Variants in TRPM3 observed in about 807,000 individuals in gnomAD.
TRPM3 encodes long transient receptor potential channel 3.
Under a neutral mutation model 181.2 loss-of-function variants are expected in TRPM3, and 77 were observed. The observed-to-expected ratio is 0.42, with a 90% CI of 0.35 to 0.51. TRPM3 has a LOEUF of 0.51. TRPM3 is among the 20% of genes least tolerant of loss of function. The pLI is 0.01. For missense variants in TRPM3, 1,759 were observed against 2,196.7 expected, an observed-to-expected ratio of 0.80 and a Z score of 3.98; for synonymous variants, 745 against 796.4, an observed-to-expected ratio of 0.94 and a Z score of 1.09.
intron 1 of TRPM3, among the ~76,000 whole-genome samples, chr9:70,905,313 G>C (rs1036724641): frequency 6.6e-6 from 1 of 152,178 alleles, no homozygotes; most frequent in Non-Finnish European, 1.5e-5. Context: ...CACAAGTGCT[G>C]CAGTAAAGAA....
chr9:71,348,643 CACT>C (rs2091432620), intron 1 of TRPM3, among the ~76,000 whole-genome samples: 1 of 151,886 alleles, frequency 6.6e-6, no homozygotes, highest in African/African-American at 2.4e-5. Flanking sequence ...AATCTCCGCT[CACT>C]GCAGCCTCAG....
At chr9:71,261,654 T>C (rs1253851941) in intron 1 of TRPM3, among the ~76,000 whole-genome samples, 1 of 152,240 alleles carries the variant, frequency 6.6e-6, no homozygotes, top group Non-Finnish European at 1.5e-5. Context: ...CTATCTTTGG[T>C]CTTTGCTGTT....
intron 1 of TRPM3, among the ~76,000 whole-genome samples, chr9:71,437,706 A>G (rs1332162990): frequency 6.6e-6 from 1 of 151,844 alleles, no homozygotes; most frequent in Non-Finnish European, 1.5e-5. Flanking sequence ...TGTCTCTACT[A>G]AAAATACAAA....
chr9:70,961,799 T>A (rs2097139119), intron 1 of TRPM3, among the ~76,000 whole-genome samples: 1 of 152,178 alleles, frequency 6.6e-6, no homozygotes. Flanking sequence ...AATTGGTATT[T>A]ATAAGTTTGG....
chr9:71,233,640 T>C (rs532949832), intron 1 of TRPM3, among the ~76,000 whole-genome samples: 206 of 152,340 alleles, frequency 1.4e-3, no homozygotes, highest in African/African-American at 4.6e-3. Context: ...TGCAATCTTC[T>C]ACATTAAATG....
chr9:70,640,611 G>C lies in TRPM3; in HGVS notation c.1395C>G (p.Asn465Lys). 6.2e-7 allele frequency: 1 copy of C among 1,613,808 alleles called. No homozygotes were observed. The highest frequency in any genetic ancestry group is 8.5e-7 in the Non-Finnish European group (1 of 1,179,840). The change falls in exon 10 of 26, where the codon AAC becomes AAG. Residue 465 changes from asparagine (N) to lysine (K), a missense_variant. Transcript: ENST00000677713. Reference protein sequence around the residue: ...PDQLSLALAWNRVDIARSQIF... With the variant: ...PDQLSLALAWKRVDIARSQIF... ...TCTGGCTGCGAGCGATGTCGACTCT[G>C]TTCCAGGCTAAAGCTAAGCTCAGTT...
At chr9:70,759,186 A>G (rs1362026890) in intron 8 of TRPM3, among the ~76,000 whole-genome samples, 1 of 152,150 alleles carries the variant, frequency 6.6e-6, no homozygotes, top group Non-Finnish European at 1.5e-5. Flanking sequence ...TGAACAGACA[A>G]TCCTCAAAAG....
intron 1 of TRPM3, among the ~76,000 whole-genome samples, chr9:71,334,006 A>AGAGAT (rs1168070835): frequency 6.6e-6 from 1 of 151,896 alleles, no homozygotes. Context: ...GGGAAATGCC[A>AGAGAT]GAGATGATGA....
intron 1 of TRPM3, among the ~76,000 whole-genome samples, chr9:71,059,011 ATTTTT>A (rs1162577364): frequency 1.1e-4 from 6 of 52,638 alleles, no homozygotes; most frequent in East Asian, 7.1e-4. Context: ...TTGTTTGTTC[ATTTTT>A]TTTTTTTTTT....
chr9:71,431,034 T>C (rs1049894882), intron 1 of TRPM3, among the ~76,000 whole-genome samples: 2 of 152,196 alleles, frequency 1.3e-5, no homozygotes, highest in African/African-American at 4.8e-5. Context: ...ACTTATTTGA[T>C]ACAATTGAAA....
At chr9:71,360,675 A>T (rs974112400) in intron 1 of TRPM3, among the ~76,000 whole-genome samples, 1 of 152,224 alleles carries the variant, frequency 6.6e-6, no homozygotes, top group African/African-American at 2.4e-5. Flanking sequence ...GCAGTCTCTG[A>T]TTGCACAGCA....
chr9:71,283,071 A>G (rs530124443), intron 1 of TRPM3, among the ~76,000 whole-genome samples: 2 of 152,278 alleles, frequency 1.3e-5, no homozygotes, highest in African/African-American at 4.8e-5. Context: ...TACCATCTTA[A>G]CCATATTTAA....
At chr9:71,351,879 T>TG (rs2091652930) in intron 1 of TRPM3, among the ~76,000 whole-genome samples, 1 of 45,964 alleles carries the variant, frequency 2.2e-5, no homozygotes, top group Non-Finnish European at 5.1e-5. Flanking sequence ...TGTTTTTGTT[T>TG]TTTTTTTTTT....
At chr9:70,752,018 G>GTGTGTGTGTGTGTGTGTGTGTGTT (rs1564124222) in intron 8 of TRPM3, among the ~76,000 whole-genome samples, 3 of 116,968 alleles carry the variant, frequency 2.6e-5, no homozygotes, top group African/African-American at 9.4e-5. Context: ...GTGTGTGTGT[G>GTGTGTGTGTGTGTGTGTGTGTGTT]TGTGTGTGTG....
At chr9:70,555,228 T>C (rs371194204) in intron 22 of TRPM3, among the ~76,000 whole-genome samples, 3 of 152,238 alleles carry the variant, frequency 2.0e-5, no homozygotes, top group Admixed American at 6.5e-5. Flanking sequence ...GCTCACTCTT[T>C]AGTGCTCACC....
chr9:71,093,661 T>C (rs2066617825), intron 1 of TRPM3, among the ~76,000 whole-genome samples: 1 of 152,186 alleles, frequency 6.6e-6, no homozygotes, highest in South Asian at 2.1e-4. Flanking sequence ...AGTTTGACCA[T>C]TGTGGAAGAC....
At chr9:70,929,058 G>A (rs2096749061) in intron 1 of TRPM3, among the ~76,000 whole-genome samples, 1 of 152,116 alleles carries the variant, frequency 6.6e-6, no homozygotes, top group Non-Finnish European at 1.5e-5. Context: ...GTTCAAGGCA[G>A]AAAGGATTCT....
At chr9:71,213,335 G>A (rs2079631363) in intron 1 of TRPM3, among the ~76,000 whole-genome samples, 1 of 151,556 alleles carries the variant, frequency 6.6e-6, no homozygotes, top group Non-Finnish European at 1.5e-5. Context: ...ATCCCAGTTT[G>A]TGGGCTCTAA....
chr9:70,806,255 T>G (rs7863403), intron 6 of TRPM3, among the ~76,000 whole-genome samples: 51,632 of 151,868 alleles, frequency 0.34, 11,312 homozygotes, highest in African/African-American at 0.62. Flanking sequence ...TGAGGAGAAG[T>G]GCTGTTTGTT....
Sources: gnomAD v4.1 joint callset for allele counts (sites outside exome capture counted in the v4.1 genomes callset) on GRCh38, gnomAD v4.1.1 for gene constraint, MANE v1.5 for transcripts, NCBI Gene and HGNC (gene_info 2026-07-23, HGNC 2026-07-21) for gene names.